ADAMTS12: variants seen among roughly 807,000 people sequenced by gnomAD.
ADAMTS12 encodes the protein ADAM metallopeptidase with thrombospondin type 1 motif 12.
A neutral mutation model predicts 167.8 loss-of-function variants in ADAMTS12; 118 were observed. The ratio of observed to expected loss-of-function variants is 0.70; its 90% CI spans 0.61 to 0.82. ADAMTS12 has a LOEUF of 0.82. ADAMTS12 is among the 40% of genes least tolerant of loss of function. The probability of loss-of-function intolerance (pLI) is 0.00; values close to 1 mark genes in which losing one functional copy is unlikely to be tolerated. For synonymous variants in ADAMTS12, 704 were observed against 716.9 expected (o/e 0.98, Z 0.29); for missense variants, 1,916 against 1,998.8 (o/e 0.96, Z 0.79).
intron 2 of ADAMTS12, among the ~76,000 whole-genome samples, chr5:33,806,349 C>T (rs1747228283): frequency 6.6e-6 from 1 of 152,200 alleles, no homozygotes; most frequent in Non-Finnish European, 1.5e-5. Flanking sequence ...TTAATGGAAG[C>T]ACAGCCTCGA....
At chr5:33,575,113 T>C (rs989339330) in intron 19 of ADAMTS12, among the ~76,000 whole-genome samples, 1 of 152,216 alleles carries the variant, frequency 6.6e-6, no homozygotes, top group African/African-American at 2.4e-5. Context: ...TCATCATGCT[T>C]ATTTTCTTCT....
chr5:33,549,115 G>C, intron 21 of ADAMTS12, 92 bp downstream of exon 21: 1 of 1,460,832 alleles, frequency 6.8e-7, no homozygotes, highest in Non-Finnish European at 9.3e-7. Flanking sequence ...CACAGGTGTG[G>C]TCTTCCCTGA....
intron 2 of ADAMTS12, among the ~76,000 whole-genome samples, chr5:33,801,058 T>C (rs1214619559): frequency 5.3e-5 from 8 of 152,174 alleles, no homozygotes; most frequent in African/African-American, 1.9e-4. Context: ...ATTGAAGTGA[T>C]GTAGCCACAA....
chr5:33,588,752 CT>C lies in ADAMTS12; in HGVS notation c.2711del (p.Lys904ArgfsTer27). ...CSATCGPHGE[K>X]KRTVLCIQTM... ...TCTGGATGCACAGCACGGTTCGCTT[CT>C]TCTCCCCGTGGGGCCCGCATGTCGC... On this transcript the variant is annotated frameshift_variant, in exon 18 of 24. Transcript: ENST00000504830. LOFTEE classifies it high-confidence loss of function. 1 of 1,614,100 alleles carries C rather than the reference CT, an allele frequency of 6.2e-7. No individual in the cohort carries two copies. The highest frequency in any genetic ancestry group is 8.5e-7 in the Non-Finnish European group (1 of 1,180,028).
intron 3 of ADAMTS12, among the ~76,000 whole-genome samples, chr5:33,685,978 G>A (rs1355276928): frequency 6.6e-6 from 1 of 152,102 alleles, no homozygotes; most frequent in African/African-American, 2.4e-5. Context: ...AAGCCCACGT[G>A]GGCTGGTGTT....
intron 3 of ADAMTS12, among the ~76,000 whole-genome samples, chr5:33,727,109 C>A (rs955267979): frequency 6.6e-6 from 1 of 152,138 alleles, no homozygotes; most frequent in African/African-American, 2.4e-5. Flanking sequence ...GCAGTTGCCA[C>A]CTGCCCTATG....
intron 13 of ADAMTS12, among the ~76,000 whole-genome samples, chr5:33,627,809 T>C (rs540716950): frequency 1.3e-5 from 2 of 152,166 alleles, no homozygotes; most frequent in Non-Finnish European, 2.9e-5. Flanking sequence ...ATCACTGAGA[T>C]GGCCAAAATG....
intron 2 of ADAMTS12, among the ~76,000 whole-genome samples, chr5:33,868,912 C>G (rs1258124963): frequency 1.3e-5 from 2 of 152,086 alleles, no homozygotes; most frequent in Admixed American, 1.3e-4. Context: ...GGAAAGCAGA[C>G]TGTAAAAGTT....
chr5:33,556,791 C>T (rs1745505114), intron 20 of ADAMTS12, among the ~76,000 whole-genome samples: 1 of 152,186 alleles, frequency 6.6e-6, no homozygotes, highest in African/African-American at 2.4e-5. Flanking sequence ...AAGAGTTAAC[C>T]TGCTGACCCT....
At chr5:33,724,997 G>A (rs1156752668) in intron 3 of ADAMTS12, among the ~76,000 whole-genome samples, 1 of 152,010 alleles carries the variant, frequency 6.6e-6, no homozygotes, top group Non-Finnish European at 1.5e-5. Flanking sequence ...CCCAGCTCAG[G>A]CCCGGAAACC....
chr5:33,809,285 C>A (rs751007705), intron 2 of ADAMTS12, among the ~76,000 whole-genome samples: 20 of 152,128 alleles, frequency 1.3e-4, no homozygotes, highest in Admixed American at 6.5e-4. Flanking sequence ...CCTTGGACCA[C>A]AGTTTGAGTA....
chr5:33,710,096 G>A (rs1579861650), intron 3 of ADAMTS12, among the ~76,000 whole-genome samples: 2 of 152,080 alleles, frequency 1.3e-5, no homozygotes, highest in South Asian at 4.1e-4. Flanking sequence ...GGACTGTTAC[G>A]GTGACCCAAA....
intron 2 of ADAMTS12, among the ~76,000 whole-genome samples, chr5:33,828,021 C>T (rs1748157555): frequency 6.6e-6 from 1 of 152,234 alleles, no homozygotes; most frequent in Middle Eastern, 3.4e-3. Flanking sequence ...TCCTCATAAT[C>T]CTATCTAAGA....
Position 33,588,588 on chromosome 5 carries a change from C to G in ADAMTS12, c.2865+11G>C. The G allele has an allele frequency of 6.2e-6, 10 of 1,613,712 alleles. No homozygotes were observed. The highest frequency in any genetic ancestry group is 6.8e-6 in the Non-Finnish European group (8 of 1,179,616). On this transcript the variant is annotated intron_variant, in intron 18 of 23. Transcript: ENST00000504830. Reference sequence around the variant, plus strand: ...AATAATGCCAGTTTCCCCGCCGAGCCCTGAGCTCACCTCACTCCAGTTGCC... The same window carrying G: ...AATAATGCCAGTTTCCCCGCCGAGCGCTGAGCTCACCTCACTCCAGTTGCC...
At chr5:33,769,108 G>T (rs538115312) in intron 2 of ADAMTS12, among the ~76,000 whole-genome samples, 7 of 152,048 alleles carry the variant, frequency 4.6e-5, no homozygotes, top group Admixed American at 2.0e-4. Context: ...TATGAGAAAG[G>T]CTGGCTTGGA....
Position 33,546,201 on chromosome 5 carries a change from C to T in ADAMTS12, c.4304G>A (p.Cys1435Tyr), listed in dbSNP as rs778869978. The T allele has an allele frequency of 3.0e-5, 48 of 1,609,908 alleles. No homozygotes were observed. Among genetic ancestry groups the T allele is most frequent in the Non-Finnish European group, 4.0e-5 (47 of 1,178,630 alleles). ...EAWQVEPWSQ[C>Y]SRSCGGGVQE... ...AACTCCACCTCCACAGGACCTGGAG[C>T]ACTGATACACAGCAGTGACAAGATT... Residue 1435 changes from cysteine to tyrosine, a missense_variant and splice_region_variant, in exon 22 of 24, where the codon TGC becomes TAC. By Grantham distance (194) the Cys-to-Tyr change is radical (BLOSUM62 -2). Coordinates refer to ENST00000504830, the MANE Select transcript of ADAMTS12 (RefSeq NM_030955.4).
intron 2 of ADAMTS12, among the ~76,000 whole-genome samples, chr5:33,876,135 G>A (rs2111754879): frequency 6.6e-6 from 1 of 152,144 alleles, no homozygotes; most frequent in Middle Eastern, 3.4e-3. Flanking sequence ...AACACTGATG[G>A]AAAAAATCAA....
At chr5:33,866,351 C>A (rs769223586) in intron 2 of ADAMTS12, among the ~76,000 whole-genome samples, 1 of 152,046 alleles carries the variant, frequency 6.6e-6, no homozygotes, top group Non-Finnish European at 1.5e-5. Flanking sequence ...GAAAGGACAT[C>A]CTGTTTAATA....
intron 5 of ADAMTS12, among the ~76,000 whole-genome samples, chr5:33,677,228 G>A (rs1741945194): frequency 6.6e-6 from 1 of 152,180 alleles, no homozygotes; most frequent in Non-Finnish European, 1.5e-5. Flanking sequence ...AAATGATGAT[G>A]ATGATAAAAA....
Sources: gnomAD v4.1 joint callset for allele counts (sites outside exome capture counted in the v4.1 genomes callset) on GRCh38, gnomAD v4.1.1 for gene constraint, MANE v1.5 for transcripts, NCBI Gene and HGNC (gene_info 2026-07-23, HGNC 2026-07-21) for gene names.